Variants in ST6GALNAC3 observed in about 807,000 individuals in gnomAD.
The protein encoded by ST6GALNAC3 is ST6 N-acetylgalactosaminide alpha-2,6-sialyltransferase 3, also known as alpha-N-acetylgalactosaminide alpha-2,6-sialyltransferase 3.
A neutral mutation model predicts 32.7 loss-of-function variants in ST6GALNAC3; 25 were observed. That is an observed-to-expected ratio of 0.76 (90% confidence interval 0.56 to 1.07). The LOEUF (loss-of-function observed/expected upper bound fraction) is 1.07, where lower values mean the gene tolerates loss of function less well. Ranked by LOEUF, ST6GALNAC3 falls within the 50% of genes least tolerant of loss-of-function variation. ST6GALNAC3 has a pLI of 0.00. For synonymous variants in ST6GALNAC3, 129 were observed against 133.1 expected (o/e 0.97, Z 0.21); for missense variants, 355 against 382.4 (o/e 0.93, Z 0.60).
intron 3 of ST6GALNAC3, among the ~76,000 whole-genome samples, chr1:76,425,286 A>G (rs540778907): frequency 2.6e-5 from 4 of 152,076 alleles, no homozygotes; most frequent in Non-Finnish European, 5.9e-5. Flanking sequence ...TCAAGGATGC[A>G]AAAGTAGCAA....
intron 1 of ST6GALNAC3, among the ~76,000 whole-genome samples, chr1:76,249,083 T>TA (rs1657469856): frequency 6.6e-6 from 1 of 152,212 alleles, no homozygotes; most frequent in Admixed American, 6.5e-5. Flanking sequence ...GTTACTTTTT[T>TA]AAATTATAGC....
At chr1:76,479,288 A>G (rs1486897035) in intron 3 of ST6GALNAC3, among the ~76,000 whole-genome samples, 2 of 152,174 alleles carry the variant, frequency 1.3e-5, no homozygotes, top group African/African-American at 2.4e-5. Flanking sequence ...CAAACCTCAC[A>G]TAGCCTCATA....
intron 1 of ST6GALNAC3, among the ~76,000 whole-genome samples, chr1:76,125,327 C>T (rs563406072): frequency 5.9e-5 from 9 of 152,318 alleles, no homozygotes; most frequent in African/African-American, 2.2e-4. Context: ...GTTTTGGGCA[C>T]TGCACCTATT....
At position 76,630,572 on chromosome 1, in the gene ST6GALNAC3, C is replaced by T. The variant is rs1487104710; in HGVS notation, c.*1766C>T. On this transcript the variant is annotated 3_prime_UTR_variant, in exon 5 of 5. Transcript: ENST00000328299. ...CTCAACTTATAGAATGTTTTGGAAACTGGAAGTAATGATACATTTCACTTC... is the reference window on the plus strand; with the variant it reads ...CTCAACTTATAGAATGTTTTGGAAATTGGAAGTAATGATACATTTCACTTC... The T allele has an allele frequency of 1.0e-6, 1 of 985,282 alleles. No homozygotes were observed. Among genetic ancestry groups the T allele is most frequent in the African/African-American group, 1.7e-5 (1 of 57,168 alleles). 61.0% of individuals were successfully genotyped at this position (985,282 alleles called of 1,614,324 possible).
At chr1:76,462,401 C>T (rs1181868663) in intron 3 of ST6GALNAC3, among the ~76,000 whole-genome samples, 2 of 152,038 alleles carry the variant, frequency 1.3e-5, no homozygotes, top group African/African-American at 4.8e-5. Flanking sequence ...TTTTAGACTG[C>T]CTTGTGCATT....
Position 76,102,957 on chromosome 1 carries a change from T to A in ST6GALNAC3, c.18+28073T>A, listed in dbSNP as rs572648119. Among the ~76,000 whole-genome samples the A allele has an allele frequency of 2.0e-5, 3 of 152,234 alleles. No individual in the cohort carries two copies. In the South Asian group the frequency reaches 6.2e-4, roughly 32 times the overall value. ...TATTTTACTATCACTCTTAGGGATA[T>A]TTCCTCTGGGCATAAAATTCTAGGC... On this transcript the variant is annotated intron_variant, in intron 1 of 4. Transcript: ENST00000328299.
intron 1 of ST6GALNAC3, among the ~76,000 whole-genome samples, chr1:76,120,937 T>C (rs972894566): frequency 5.9e-5 from 9 of 152,180 alleles, no homozygotes; most frequent in Non-Finnish European, 1.2e-4. Context: ...TTGTCTTGCC[T>C]TTTCCAGCTC....
intron 2 of ST6GALNAC3, among the ~76,000 whole-genome samples, chr1:76,367,574 C>T (rs559489469): frequency 6.6e-6 from 1 of 152,020 alleles, no homozygotes; most frequent in Non-Finnish European, 1.5e-5. Context: ...ATTATAAACC[C>T]ACCAAAGTAA....
intron 3 of ST6GALNAC3, 149 bp downstream of exon 3, chr1:76,412,566 C>A: frequency 2.3e-6 from 2 of 880,060 alleles, no homozygotes; most frequent in Middle Eastern, 2.8e-4. Context: ...GATAAGCCAG[C>A]CTGAGGTCTC....
At chr1:76,304,029 GA>G (rs952523292) in intron 1 of ST6GALNAC3, among the ~76,000 whole-genome samples, 40 of 147,954 alleles carry the variant, frequency 2.7e-4, no homozygotes, top group African/African-American at 8.2e-4. Flanking sequence ...GATGAATTAA[GA>G]AAAAAAAAGA....
chr1:76,595,886 T>A (rs1647129072), intron 3 of ST6GALNAC3, among the ~76,000 whole-genome samples: 1 of 152,110 alleles, frequency 6.6e-6, no homozygotes, highest in African/African-American at 2.4e-5. Context: ...GTCCTGTAGT[T>A]GTTTATTATG....
intron 1 of ST6GALNAC3, among the ~76,000 whole-genome samples, chr1:76,206,585 A>G (rs517017): frequency 0.83 from 125,998 of 151,960 alleles, 52,805 homozygotes; most frequent in East Asian, 1. Context: ...AAAATTAGCC[A>G]GGCATGGTGG....
At chr1:76,521,898 G>A (rs1345689725) in intron 3 of ST6GALNAC3, among the ~76,000 whole-genome samples, 2 of 151,852 alleles carry the variant, frequency 1.3e-5, no homozygotes, top group Non-Finnish European at 2.9e-5. Flanking sequence ...GTGAAACCCC[G>A]TCTCTACTAA....
chr1:76,574,211 T>C lies in ST6GALNAC3; in HGVS notation c.624-53241T>C, dbSNP rs189944059. Among the ~76,000 whole-genome samples the C allele has an allele frequency of 4.6e-5, 7 of 152,214 alleles. No homozygotes were observed. In the East Asian group the frequency reaches 1.2e-3, roughly 25 times the overall value. ...TGGCACAGTTTTGAGTGATGATGTG[T>C]TAAATTCAAAATCAGGAATTTTTAT... is the stretch of plus-strand genomic sequence containing the variant. On this transcript the variant is annotated intron_variant, in intron 3 of 4. Coordinates refer to ENST00000328299, the MANE Select transcript of ST6GALNAC3 (RefSeq NM_152996.4).
intron 1 of ST6GALNAC3, among the ~76,000 whole-genome samples, chr1:76,187,212 A>C (rs1375192891): frequency 2.6e-5 from 4 of 152,210 alleles, no homozygotes; most frequent in Non-Finnish European, 5.9e-5. Flanking sequence ...ATTATGACAC[A>C]CAATAGATGA....
intron 1 of ST6GALNAC3, among the ~76,000 whole-genome samples, chr1:76,279,490 C>T (rs2100781501): frequency 6.6e-6 from 1 of 152,244 alleles, no homozygotes; most frequent in African/African-American, 2.4e-5. Flanking sequence ...CAGAGCTTCG[C>T]GGGTGGGGGG....
intron 3 of ST6GALNAC3, among the ~76,000 whole-genome samples, chr1:76,607,494 C>A (rs1647639069): frequency 6.6e-6 from 1 of 152,116 alleles, no homozygotes; most frequent in African/African-American, 2.4e-5. Flanking sequence ...AGCCCATCCA[C>A]TAGGCATTCA....
intron 1 of ST6GALNAC3, among the ~76,000 whole-genome samples, chr1:76,269,913 TG>T (rs139564176): frequency 0.012 from 1,831 of 152,236 alleles, 38 homozygotes; most frequent in African/African-American, 0.041. Context: ...CATGTGTGCC[TG>T]GAACCCAGGG....
chr1:76,621,489 A>G (rs1029428802), intron 3 of ST6GALNAC3, among the ~76,000 whole-genome samples: 1 of 152,066 alleles, frequency 6.6e-6, no homozygotes, highest in South Asian at 2.1e-4. Flanking sequence ...TGTGCTGGGC[A>G]TGTCCTGTTG....
Sources: allele counts gnomAD v4.1 joint callset (sites outside exome capture counted in the v4.1 genomes callset), GRCh38; gene constraint gnomAD v4.1.1; transcripts MANE v1.5; gene names NCBI Gene and HGNC (gene_info 2026-07-23, HGNC 2026-07-21).